ZNF521: variants seen among roughly 807,000 people sequenced by gnomAD.
ZNF521 encodes LYST-interacting protein 3.
A neutral mutation model predicts 105.5 loss-of-function variants in ZNF521; 14 were observed. That is an observed-to-expected ratio of 0.13 (90% CI 0.09 to 0.21). The LOEUF is 0.21. ZNF521 is among the 10% of genes least tolerant of loss of function. The probability of loss-of-function intolerance (pLI) is 1.00; values close to 1 mark genes in which losing one functional copy is unlikely to be tolerated. For missense variants in ZNF521, 1,233 were observed against 1,629.7 expected (o/e 0.76, Z 4.19); for synonymous variants, 635 against 606.0 (o/e 1.05, Z -0.70).
intron 3 of ZNF521, among the ~76,000 whole-genome samples, chr18:25,273,250 A>AAAAAAAAAAAC (rs1909798909): frequency 6.9e-6 from 1 of 145,326 alleles, no homozygotes; most frequent in Non-Finnish European, 1.5e-5. Context: ...AAAAAAAAAA[A>AAAAAAAAAAAC]AGACATTTTA....
chr18:25,284,100 C>A (rs913903858), intron 3 of ZNF521, among the ~76,000 whole-genome samples: 11 of 152,282 alleles, frequency 7.2e-5, no homozygotes, highest in African/African-American at 2.6e-4. Flanking sequence ...GCCCCCAGCT[C>A]CCTCCTGATA....
intron 3 of ZNF521, among the ~76,000 whole-genome samples, chr18:25,268,732 G>A (rs755487713): frequency 6.6e-6 from 1 of 152,140 alleles, no homozygotes; most frequent in Non-Finnish European, 1.5e-5. Flanking sequence ...CAAATACTGA[G>A]AGATTATGTC....
chr18:25,209,951 T>A lies in ZNF521; in HGVS notation c.3573+14394A>T, dbSNP rs979761745. Among the ~76,000 whole-genome samples, 3 of 152,204 alleles carry A rather than the reference T, an allele frequency of 2.0e-5. No homozygotes were observed. In the East Asian group the frequency reaches 5.8e-4, roughly 29 times the overall value. ...ACTAAACTATGTTTTTTCCACTTCA[T>A]CAACTTTGTGGAAATATGATTCCTC... On this transcript the variant is annotated intron_variant, in intron 4 of 7. Coordinates refer to ENST00000361524, the MANE Select transcript of ZNF521 (RefSeq NM_015461.3).
chr18:25,311,139 A>G (rs1250502171), intron 3 of ZNF521, among the ~76,000 whole-genome samples: 1 of 152,164 alleles, frequency 6.6e-6, no homozygotes, highest in African/African-American at 2.4e-5. Context: ...CCTGAGGCAC[A>G]GTGTAGAATG....
At chr18:25,252,529 T>TC (rs1363745099) in intron 3 of ZNF521, among the ~76,000 whole-genome samples, 2 of 148,770 alleles carry the variant, frequency 1.3e-5, no homozygotes, top group East Asian at 3.9e-4. Flanking sequence ...TTATTTACCT[T>TC]TTTTTTTTTC....
chr18:25,136,266 A>G (rs932380573), intron 5 of ZNF521, among the ~76,000 whole-genome samples: 1 of 152,184 alleles, frequency 6.6e-6, no homozygotes, highest in Non-Finnish European at 1.5e-5. Flanking sequence ...ATACTTCTAT[A>G]TAGTCCCTAT....
chr18:25,316,986 CTG>C (rs1912668992), intron 3 of ZNF521, among the ~76,000 whole-genome samples: 1 of 151,932 alleles, frequency 6.6e-6, no homozygotes, highest in Non-Finnish European at 1.5e-5. Context: ...TCCAAAGTAG[CTG>C]TGACTACAGG....
chr18:25,314,398 C>T (rs1210291873), intron 3 of ZNF521, among the ~76,000 whole-genome samples: 1 of 152,046 alleles, frequency 6.6e-6, no homozygotes, highest in Non-Finnish European at 1.5e-5. Context: ...AATTCTTTGG[C>T]CAAATAATAA....
chr18:25,188,904 C>T (rs944694985), intron 5 of ZNF521, among the ~76,000 whole-genome samples: 1 of 152,224 alleles, frequency 6.6e-6, no homozygotes, highest in African/African-American at 2.4e-5. Flanking sequence ...AATCCTCAGC[C>T]TCACAGAAAA....
rs1319090387 is a variant in ZNF521, at chr18:25,227,773, A to T, written c.221-76T>A. The T allele has an allele frequency of 7.8e-7, 1 of 1,277,616 alleles. No homozygotes were observed. The allele number at this position is 1,277,616 out of a possible 1,614,324, so 79.1% of individuals were successfully genotyped here. On this transcript the variant is annotated intron_variant, in intron 3 of 7. Coordinates refer to ENST00000361524, the MANE Select transcript of ZNF521 (RefSeq NM_015461.3). This position sits in a 1 kb window ranked among gnomAD's most constrained non-coding sequence, Gnocchi z 5.7. ...GTGAGTTTACCGTAGCATTTCAACC[A>T]GCACGCAGAGTTGGGCCCTCTTGAA...
intron 3 of ZNF521, among the ~76,000 whole-genome samples, chr18:25,303,256 ACT>A (rs751886921): frequency 6.2e-5 from 9 of 144,972 alleles, no homozygotes; most frequent in Non-Finnish European, 1.1e-4. Context: ...AAAAAAAGAA[ACT>A]CTTTCTTTCT....
chr18:25,225,274 A>C lies in ZNF521; in HGVS notation c.2644T>G (p.Ser882Ala). 1 of 1,614,060 alleles carries C rather than the reference A, an allele frequency of 6.2e-7. No individual in the cohort carries two copies. The highest frequency in any genetic ancestry group is 1.1e-5 in the South Asian group (1 of 91,060). ...HDGSEEDVDT[S>A]EPMYGCDICG... ...ATGTCGCAGCCGTACATAGGCTCAG[A>C]GGTGTCAACGTCTTCTTCGCTCCCA... is the stretch of plus-strand genomic sequence containing the variant. Residue 882 changes from serine (S) to alanine (A), a missense_variant, in exon 4 of 8, where the codon TCT (serine) becomes GCT (alanine). Transcript: ENST00000361524. This position sits in a 1 kb window ranked among gnomAD's most constrained non-coding sequence, Gnocchi z 5.6.
intron 3 of ZNF521, among the ~76,000 whole-genome samples, chr18:25,228,727 C>G (rs1486800044): frequency 6.6e-6 from 1 of 152,160 alleles, no homozygotes; most frequent in Non-Finnish European, 1.5e-5. Flanking sequence ...ATAAACTTAG[C>G]AAGTTATCCA....
intron 5 of ZNF521, among the ~76,000 whole-genome samples, chr18:25,100,535 C>T (rs2144254587): frequency 6.6e-6 from 1 of 152,220 alleles, no homozygotes; most frequent in African/African-American, 2.4e-5. Flanking sequence ...TTCCAAGGGG[C>T]TCAATCCTGC....
intron 5 of ZNF521, among the ~76,000 whole-genome samples, chr18:25,113,793 C>G (rs74826247): frequency 2.5e-4 from 37 of 147,974 alleles, no homozygotes; most frequent in African/African-American, 7.4e-4. Flanking sequence ...CACACACACA[C>G]AGAGACGGGG....
chr18:25,186,389 G>T (rs1291374795), intron 5 of ZNF521, among the ~76,000 whole-genome samples: 1 of 152,118 alleles, frequency 6.6e-6, no homozygotes, highest in Non-Finnish European at 1.5e-5. Flanking sequence ...TAATGAAAGG[G>T]TTTCAAATTC....
intron 3 of ZNF521, among the ~76,000 whole-genome samples, chr18:25,268,799 C>A (rs568755701): frequency 6.6e-6 from 1 of 152,268 alleles, no homozygotes; most frequent in Non-Finnish European, 1.5e-5. Flanking sequence ...TGGAAAGAAA[C>A]AACCGGTACC....
chr18:25,349,883 T>C (rs1003928415), intron 2 of ZNF521, among the ~76,000 whole-genome samples: 6 of 150,188 alleles, frequency 4.0e-5, no homozygotes, highest in Admixed American at 4.0e-4. Flanking sequence ...CTCGCCCCGG[T>C]TCCCCGTCCT....
intron 4 of ZNF521, among the ~76,000 whole-genome samples, chr18:25,214,430 C>T (rs1457373272): frequency 6.6e-6 from 1 of 151,992 alleles, no homozygotes; most frequent in African/African-American, 2.4e-5. Flanking sequence ...TTTTCACTTT[C>T]TTGGCCTCCT....
Sources: gnomAD v4.1 joint callset for allele counts (sites outside exome capture counted in the v4.1 genomes callset) on GRCh38, gnomAD v4.1.1 for gene constraint, Gnocchi (gnomAD v3.1) non-coding constraint, MANE v1.5 for transcripts, NCBI Gene and HGNC (gene_info 2026-07-23, HGNC 2026-07-21) for gene names.